The following ARHGAP42 variants were observed in gnomAD, a reference collection of about 807,000 sequenced individuals.
The protein encoded by ARHGAP42 is rho GTPase-activating protein 42.
Under a neutral mutation model 125.0 loss-of-function variants are expected in ARHGAP42, and 63 were observed. The observed-to-expected ratio is 0.50, with a 90% confidence interval of 0.41 to 0.62. The LOEUF (loss-of-function observed/expected upper bound fraction) is 0.62, where lower values mean the gene tolerates loss of function less well. ARHGAP42 is among the 20% of genes least tolerant of loss of function. The pLI is 0.00. For synonymous variants in ARHGAP42, 339 were observed against 351.0 expected, an observed-to-expected ratio of 0.97 and a Z score of 0.38; for missense variants, 766 against 1,024.2, an observed-to-expected ratio of 0.75 and a Z score of 3.44.
In ARHGAP42 at chr11:100,742,944, G is replaced by C. The variant is rs937282470; in HGVS notation, c.155-27399G>C. ...ATGTCTTTTTCCATCCCTTTACCTT[G>C]GATTTATATGAATCCTTACATGTTA... is the stretch of plus-strand genomic sequence containing the variant. On this transcript the variant is annotated intron_variant, in intron 1 of 23. Transcript: ENST00000298815. 2.6e-5 allele frequency among the ~76,000 whole-genome samples: 4 copies of C among 152,042 alleles called. No individual in the cohort carries two copies. In the East Asian group the frequency reaches 7.7e-4, roughly 29 times the overall value.
chr11:100,728,424 C>T (rs796613261), intron 1 of ARHGAP42, among the ~76,000 whole-genome samples: 3 of 152,152 alleles, frequency 2.0e-5, no homozygotes, highest in African/African-American at 4.8e-5. Context: ...AGAAAGATGC[C>T]TTGGGCAAGA....
intron 3 of ARHGAP42, among the ~76,000 whole-genome samples, chr11:100,820,437 T>C (rs1864378133): frequency 6.6e-6 from 1 of 152,114 alleles, no homozygotes; most frequent in African/African-American, 2.4e-5. Context: ...TTTGGAAAGC[T>C]ACTGAGAGAA....
At chr11:100,923,228 C>T (rs1867328904) in intron 6 of ARHGAP42, among the ~76,000 whole-genome samples, 1 of 152,188 alleles carries the variant, frequency 6.6e-6, no homozygotes, top group Admixed American at 6.5e-5. Context: ...TGCTAGCAAA[C>T]TACTTCCCTA....
At position 100,980,938 on chromosome 11, in the gene ARHGAP42, A is replaced by G. The variant is rs531476429; in HGVS notation, c.2456+1889A>G. 1.8e-4 allele frequency among the ~76,000 whole-genome samples: 28 copies of G among 152,278 alleles called. No individual in the cohort carries two copies. The South Asian group carries it at 5.2e-3, about 28-fold the overall frequency. ...AAATCAACTTTTAGTGGGGATCAGCATAAACTTAGAGCTCACTCAGCTCTA... is the reference window on the plus strand; with the variant it reads ...AAATCAACTTTTAGTGGGGATCAGCGTAAACTTAGAGCTCACTCAGCTCTA... On this transcript the variant is annotated intron_variant, in intron 22 of 23. Transcript: ENST00000298815.
chr11:100,878,847 A>G (rs1865886873), intron 4 of ARHGAP42, among the ~76,000 whole-genome samples: 1 of 152,130 alleles, frequency 6.6e-6, no homozygotes, highest in South Asian at 2.1e-4. Context: ...GGACTTGCTT[A>G]AAACACAAGG....
chr11:100,696,710 G>C (rs1565531836), intron 1 of ARHGAP42, among the ~76,000 whole-genome samples: 1 of 152,006 alleles, frequency 6.6e-6, no homozygotes, highest in African/African-American at 2.4e-5. Context: ...CTGTTTCCCA[G>C]GCTGGAGTGC....
intron 12 of ARHGAP42, 82 bp from the exon 13 acceptor site, chr11:100,959,801 A>G (rs920485768): frequency 3.8e-6 from 5 of 1,302,292 alleles, no homozygotes; most frequent in East Asian, 5.1e-5. Context: ...GTTGAGTCAT[A>G]AAGGCCCAGT....
rs2135300516 is a variant in ARHGAP42 at position 100,961,580 on chromosome 11, A to G, written c.1301-104A>G. On this transcript the variant is annotated intron_variant, in intron 14 of 23. Transcript: ENST00000298815. ...TAACTCTTGGCATTCTAAGAAATGA[A>G]TACCTCTCTCTTTTGACCTACTTAC... 8.7e-6 allele frequency: 8 copies of G among 922,890 alleles called. No homozygotes were observed. In the South Asian group the frequency reaches 1.4e-4, roughly 16 times the overall value. 57.2% of individuals were successfully genotyped at this position (922,890 alleles called of 1,614,324 possible). A position where few individuals can be genotyped will look rare whatever the true frequency, so the allele number is the denominator to read the frequency against.
chr11:100,862,749 G>A (rs1323568020), intron 4 of ARHGAP42, among the ~76,000 whole-genome samples: 2 of 152,002 alleles, frequency 1.3e-5, no homozygotes, highest in Non-Finnish European at 2.9e-5. Context: ...AAGCATGTTC[G>A]GCTGGGTGTG....
At chr11:100,729,658 A>C (rs1233460790) in intron 1 of ARHGAP42, among the ~76,000 whole-genome samples, 7 of 152,162 alleles carry the variant, frequency 4.6e-5, no homozygotes, top group Non-Finnish European at 8.8e-5. Context: ...AAAAATAGTA[A>C]TTTTTAAAAC....
intron 12 of ARHGAP42, among the ~76,000 whole-genome samples, chr11:100,959,190 A>C (rs2135297068): frequency 6.6e-6 from 1 of 152,188 alleles, no homozygotes; most frequent in African/African-American, 2.4e-5. Flanking sequence ...TAAGTAATTT[A>C]ATTTGACCTC....
At chr11:100,825,724 TTTC>T (rs762413470) in intron 3 of ARHGAP42, among the ~76,000 whole-genome samples, 14 of 152,022 alleles carry the variant, frequency 9.2e-5, no homozygotes, top group East Asian at 3.9e-4. Context: ...CACTCCCAGG[TTTC>T]TTCTTCTGTT....
intron 1 of ARHGAP42, among the ~76,000 whole-genome samples, chr11:100,718,428 TAAG>T (rs1861702527): frequency 6.6e-6 from 1 of 152,180 alleles, no homozygotes. Flanking sequence ...TTTGTTCTAT[TAAG>T]AATATTTCAG....
intron 6 of ARHGAP42, among the ~76,000 whole-genome samples, chr11:100,923,717 G>A (rs542145353): frequency 1.3e-5 from 2 of 152,206 alleles, no homozygotes; most frequent in East Asian, 3.9e-4. Flanking sequence ...TGTCATGCAT[G>A]CCTTTCTTAT....
intron 3 of ARHGAP42, among the ~76,000 whole-genome samples, chr11:100,823,848 G>A (rs1213151107): frequency 6.6e-6 from 1 of 152,076 alleles, no homozygotes; most frequent in Non-Finnish European, 1.5e-5. Flanking sequence ...TATCATCAGT[G>A]AAAACAAGGC....
At chr11:100,929,029 C>T (rs540474423) in intron 6 of ARHGAP42, among the ~76,000 whole-genome samples, 111 of 152,190 alleles carry the variant, frequency 7.3e-4, no homozygotes, top group African/African-American at 2.3e-3. Context: ...TGATAGGTAC[C>T]TTTTCACTAT....
At chr11:100,977,854 C>T (rs1244863372) in intron 21 of ARHGAP42, among the ~76,000 whole-genome samples, 2 of 152,200 alleles carry the variant, frequency 1.3e-5, no homozygotes, top group East Asian at 3.8e-4. Flanking sequence ...AATATGATGG[C>T]ATTCTTCCTG....
intron 4 of ARHGAP42, among the ~76,000 whole-genome samples, chr11:100,897,942 G>T (rs1866409745): frequency 1.3e-5 from 2 of 152,136 alleles, no homozygotes; most frequent in Non-Finnish European, 2.9e-5. Flanking sequence ...AATGTTTCCA[G>T]TTTTTGCCCA....
intron 1 of ARHGAP42, among the ~76,000 whole-genome samples, chr11:100,740,066 A>T (rs1442758999): frequency 1.4e-5 from 2 of 143,440 alleles, no homozygotes; most frequent in Non-Finnish European, 3.0e-5. Context: ...TATTAGTACA[A>T]TTTTTTTTTT....
Sources: gnomAD v4.1 joint callset for allele counts (sites outside exome capture counted in the v4.1 genomes callset) on GRCh38, gnomAD v4.1.1 for gene constraint, MANE v1.5 for transcripts, NCBI Gene and HGNC (gene_info 2026-07-23, HGNC 2026-07-21) for gene names.